ARHGAP17: variants seen among roughly 807,000 people sequenced by gnomAD.
ARHGAP17 encodes rho GTPase-activating protein 17.
ARHGAP17 carries 57 observed loss-of-function variants against 99.5 expected under a neutral mutation model. The observed-to-expected ratio is 0.57, with a 90% CI of 0.46 to 0.71. The LOEUF (loss-of-function observed/expected upper bound fraction) is 0.71. Ranked by LOEUF, ARHGAP17 falls within the 30% of genes least tolerant of loss-of-function variation. The probability of loss-of-function intolerance (pLI) is 0.00; values close to 1 mark genes in which losing one functional copy is unlikely to be tolerated. For synonymous variants in ARHGAP17, 417 were observed against 429.6 expected (o/e 0.97, Z 0.36); for missense variants, 1,000 against 1,122.4 (o/e 0.89, Z 1.56).
intron 1 of ARHGAP17, among the ~76,000 whole-genome samples, chr16:25,010,599 G>A (rs896206162): frequency 1.3e-5 from 2 of 152,246 alleles, no homozygotes; most frequent in Admixed American, 1.3e-4. Flanking sequence ...AAATGAAAAA[G>A]AGGGACTGTC....
intron 13 of ARHGAP17, 118 bp downstream of exon 13, chr16:24,949,286 T>G (rs1297129233): frequency 7.1e-6 from 5 of 701,606 alleles, no homozygotes; most frequent in African/African-American, 3.6e-5. Context: ...AGTGATGTGG[T>G]TTTTTTTGTT....
chr16:24,996,294 C>A (rs1469180249), intron 1 of ARHGAP17, among the ~76,000 whole-genome samples: 5 of 152,072 alleles, frequency 3.3e-5, no homozygotes, highest in African/African-American at 1.2e-4. Context: ...TAGTTGTATT[C>A]CTAAGAATTT....
At chr16:24,953,716 G>A (rs1432272911) in intron 10 of ARHGAP17, among the ~76,000 whole-genome samples, 3 of 152,170 alleles carry the variant, frequency 2.0e-5, no homozygotes, top group Non-Finnish European at 2.9e-5. Context: ...GTTCTTTACA[G>A]CAGTGTGAGA....
At position 24,923,632 on chromosome 16, in the gene ARHGAP17, C is replaced by T. The variant is rs118157654; in HGVS notation, c.2516-3372G>A. On this transcript the variant is annotated intron_variant, in intron 19 of 19. Coordinates refer to ENST00000289968, the MANE Select transcript of ARHGAP17 (RefSeq NM_001006634.3). ...CCACCTTCCAGCTACTTGGGAGATT[C>T]GCTTGAGCCCAGGAGGTCAAGGCTG... 4.0e-5 allele frequency among the ~76,000 whole-genome samples: 6 copies of T among 150,922 alleles called. No individual in the cohort carries two copies. In the East Asian group the frequency reaches 1.2e-3, roughly 29 times the overall value.
At chr16:24,945,260 C>T (rs1173222183) in intron 14 of ARHGAP17, among the ~76,000 whole-genome samples, 1 of 151,332 alleles carries the variant, frequency 6.6e-6, no homozygotes, top group Non-Finnish European at 1.5e-5. Flanking sequence ...GAGGTTGCGG[C>T]TGCAGTGAGC....
chr16:24,931,890 C>T (rs9930711), intron 18 of ARHGAP17, among the ~76,000 whole-genome samples: 4,683 of 152,152 alleles, frequency 0.031, 248 homozygotes, highest in African/African-American at 0.11. Context: ...CCAAAGCAGG[C>T]GGATCACTTG....
chr16:25,005,933 T>C (rs1295566575), intron 1 of ARHGAP17, among the ~76,000 whole-genome samples: 2 of 152,226 alleles, frequency 1.3e-5, no homozygotes, highest in Non-Finnish European at 2.9e-5. Flanking sequence ...GGAGACAACC[T>C]GGCAATACTG....
rs2051979036 is a variant in ARHGAP17, at chr16:24,961,011, A to T, written c.574-1032T>A. On this transcript the variant is annotated intron_variant, in intron 7 of 19. Coordinates refer to ENST00000289968, the MANE Select transcript of ARHGAP17 (RefSeq NM_001006634.3). ...CTCAGCCACCCTAGTAGCTGGGATT[A>T]CAGGCGTGTGCCACCACACTTTTTG... Among the ~76,000 whole-genome samples the T allele has an allele frequency of 2.6e-5, 4 of 151,986 alleles. No individual in the cohort carries two copies. The South Asian group carries it at 8.3e-4, about 32-fold the overall frequency.
chr16:24,942,767 C>CAAAAA, intron 15 of ARHGAP17, among the ~76,000 whole-genome samples: 1 of 69,496 alleles, frequency 1.4e-5, no homozygotes. Context: ...GACTCTGTCT[C>CAAAAA]AAAAAAAAAA....
intron 1 of ARHGAP17, among the ~76,000 whole-genome samples, chr16:24,995,508 C>T (rs973634634): frequency 1.3e-5 from 2 of 152,150 alleles, no homozygotes; most frequent in African/African-American, 4.8e-5. Context: ...AACCCCACCC[C>T]ATTTAAGCTC....
intron 1 of ARHGAP17, among the ~76,000 whole-genome samples, chr16:24,983,633 C>T (rs1421328604): frequency 2.0e-5 from 3 of 152,150 alleles, no homozygotes; most frequent in Non-Finnish European, 2.9e-5. Context: ...CTCCATGTTC[C>T]TAAACTTTTT....
intron 1 of ARHGAP17, 30 bp downstream of exon 1, chr16:25,015,179 T>C (rs2053753838): frequency 7.9e-7 from 1 of 1,269,488 alleles, no homozygotes; most frequent in Non-Finnish European, 1.0e-6. Flanking sequence ...CCAGCCCCGG[T>C]GCGACCCCCG....
intron 1 of ARHGAP17, among the ~76,000 whole-genome samples, chr16:25,000,142 T>C (rs1286369660): frequency 6.6e-6 from 1 of 152,200 alleles, no homozygotes; most frequent in Admixed American, 6.5e-5. Flanking sequence ...ACAATGCAAC[T>C]GCCCCAAAGC....
At chr16:24,985,322 T>C (rs1329526748) in intron 1 of ARHGAP17, among the ~76,000 whole-genome samples, 2 of 152,228 alleles carry the variant, frequency 1.3e-5, no homozygotes, top group Non-Finnish European at 2.9e-5. Context: ...GTATATTATA[T>C]CACACTTCTT....
chr16:24,950,052 T>C (rs2051588724), intron 12 of ARHGAP17, among the ~76,000 whole-genome samples: 1 of 152,142 alleles, frequency 6.6e-6, no homozygotes, highest in Non-Finnish European at 1.5e-5. Flanking sequence ...GAGGAGCCTG[T>C]AGAGCACGGC....
intron 1 of ARHGAP17, among the ~76,000 whole-genome samples, chr16:25,006,815 A>G (rs2053520011): frequency 6.6e-6 from 1 of 152,218 alleles, no homozygotes; most frequent in Non-Finnish European, 1.5e-5. Flanking sequence ...GAAGAAGTTC[A>G]TGGGTTCAAT....
At chr16:24,934,401 C>G (rs1275187871) in intron 18 of ARHGAP17, among the ~76,000 whole-genome samples, 1 of 152,256 alleles carries the variant, frequency 6.6e-6, no homozygotes, top group East Asian at 1.9e-4. Context: ...AGTGATCCAC[C>G]CACCCCGGCC....
At chr16:24,962,465 T>A (rs1260965237) in intron 7 of ARHGAP17, among the ~76,000 whole-genome samples, 1 of 152,166 alleles carries the variant, frequency 6.6e-6, no homozygotes, top group Non-Finnish European at 1.5e-5. Flanking sequence ...GGCCAAGAGA[T>A]TTCACAAAAC....
chr16:24,982,996 A>ATATATTTT (rs1315859010), intron 1 of ARHGAP17, among the ~76,000 whole-genome samples: 2 of 46,976 alleles, frequency 4.3e-5, no homozygotes, highest in African/African-American at 1.7e-4. Flanking sequence ...ATATATATAT[A>ATATATTTT]TTTTTTTTTT....
Sources: allele counts gnomAD v4.1 joint callset (sites outside exome capture counted in the v4.1 genomes callset), GRCh38; gene constraint gnomAD v4.1.1; transcripts MANE v1.5; gene names NCBI Gene and HGNC (gene_info 2026-07-23, HGNC 2026-07-21).